The following ATG7 variants were observed in gnomAD, a reference collection of about 807,000 sequenced individuals.
The protein encoded by ATG7 is autophagy related 7.
A neutral mutation model predicts 82.4 loss-of-function variants in ATG7; 70 were observed. The ratio of observed to expected loss-of-function variants is 0.85; its 90% CI spans 0.70 to 1.04. The LOEUF is 1.04. Ranked by LOEUF, ATG7 falls within the 50% of genes least tolerant of loss-of-function variation. The probability of loss-of-function intolerance (pLI) is 0.00; values close to 1 mark genes in which losing one functional copy is unlikely to be tolerated. For synonymous variants in ATG7, 287 were observed against 313.0 expected, an observed-to-expected ratio of 0.92 and a Z score of 0.88; for missense variants, 792 against 864.3, an observed-to-expected ratio of 0.92 and a Z score of 1.05.
intron 20 of ATG7, among the ~76,000 whole-genome samples, chr3:11,527,130 A>AAAAT (rs2092602399): frequency 6.8e-6 from 1 of 147,440 alleles, no homozygotes; most frequent in African/African-American, 2.5e-5. Context: ...TTTGAGGTGG[A>AAAAT]GTCTCACTCT....
rs556285354 is a variant in ATG7, at chr3:11,538,101, A to G, written c.2080-16710A>G. Among the ~76,000 whole-genome samples the G allele has an allele frequency of 3.4e-4, 51 of 150,240 alleles. 1 individual carries two copies. The highest frequency in any genetic ancestry group is 3.4e-3 in the Middle Eastern group (1 of 290). The stretch of plus-strand genomic sequence containing the variant: ...GATATGTGGACCCCAGGGCTGACAG[A>G]TGTTCCTGAGGGCCACAGGGAACCT... On this transcript the variant is annotated intron_variant, in intron 20 of 20. Transcript: ENST00000693202.
intron 19 of ATG7, among the ~76,000 whole-genome samples, chr3:11,391,343 C>T (rs956493): frequency 0.038 from 5,845 of 152,208 alleles, 120 homozygotes; most frequent in African/African-American, 0.051. Context: ...TAATGTTCCC[C>T]GGAGCATGCA....
chr3:11,559,406 T>G (rs1028637875), downstream of ATG7: 2 of 1,562,454 alleles, frequency 1.3e-6, no homozygotes, highest in African/African-American at 2.7e-5. Flanking sequence ...GTGCGAGAGG[T>G]TGCAGTTGCG....
intron 20 of ATG7, among the ~76,000 whole-genome samples, chr3:11,524,272 C>T (rs758792443): frequency 2.0e-5 from 3 of 152,152 alleles, no homozygotes; most frequent in Non-Finnish European, 4.4e-5. Context: ...TTTCCAGCCA[C>T]AATGGAGAAG....
At chr3:11,475,250 T>C (rs928636123) in intron 20 of ATG7, among the ~76,000 whole-genome samples, 2 of 152,150 alleles carry the variant, frequency 1.3e-5, no homozygotes, top group Admixed American at 6.5e-5. Flanking sequence ...GTTCCAGTCA[T>C]GCGGGTTTAT....
intron 18 of ATG7, 79 bp from the exon 19 acceptor site, chr3:11,379,893 T>C: frequency 2.1e-6 from 3 of 1,396,718 alleles, no homozygotes; most frequent in Non-Finnish European, 3.0e-6. Context: ...TCCTACTTGT[T>C]GTCAGAAACC....
chr3:11,391,268 CCTTTT>C (rs1278554465), intron 19 of ATG7, among the ~76,000 whole-genome samples: 6 of 152,010 alleles, frequency 3.9e-5, no homozygotes, highest in Non-Finnish European at 7.4e-5. Context: ...TTTCCTTTTC[CCTTTT>C]CTTTTCATGA....
downstream of ATG7, chr3:11,558,488 T>TTA: frequency 6.7e-7 from 1 of 1,483,586 alleles, no homozygotes; most frequent in Non-Finnish European, 9.0e-7. Context: ...TTTTTTTTTT[T>TTA]AAGTACTGAC....
intron 20 of ATG7, 55 bp downstream of exon 20, chr3:11,426,981 A>G: frequency 6.7e-7 from 1 of 1,489,042 alleles, no homozygotes; most frequent in African/African-American, 1.4e-5. Flanking sequence ...AAACTATTTG[A>G]TATTCGCCAT....
At chr3:11,378,432 C>G (rs949354312) in intron 18 of ATG7, among the ~76,000 whole-genome samples, 2 of 151,036 alleles carry the variant, frequency 1.3e-5, no homozygotes, top group Non-Finnish European at 2.9e-5. Context: ...CCCGTAACCC[C>G]AGCACTTTGG....
At position 11,418,270 on chromosome 3, in the gene ATG7, A is replaced by ATT. The variant is rs551384190; in HGVS notation, c.1957-8520_1957-8519dup. ...CAGGCATATGTCACCATACCTGGCTATTTTTTTTTTTTTTTATATTTTGTA... is the reference window on the plus strand; with the variant it reads ...CAGGCATATGTCACCATACCTGGCTATTTTTTTTTTTTTTTTTATATTTTGTA... On this transcript the variant is annotated intron_variant, in intron 19 of 20. Coordinates refer to ENST00000693202, the MANE Select transcript of ATG7 (RefSeq NM_001349232.2). Among the ~76,000 whole-genome samples the ATT allele has an allele frequency of 1.2e-3, 173 of 141,388 alleles. 1 individual carries two copies. The highest frequency in any genetic ancestry group is 3.6e-3 in the Middle Eastern group (1 of 276). 92.8% of individuals were successfully genotyped at this position (141,388 alleles called of 152,430 possible).
rs138450163 is a variant in ATG7, at chr3:11,331,219, GA to G, written c.679-120del. 6,062 of 804,502 alleles carry G rather than the reference GA, an allele frequency of 7.5e-3. 258 individuals carry two copies. The African/African-American group carries it at 0.091, about 12-fold the overall frequency. 49.8% of individuals were successfully genotyped at this position (804,502 alleles called of 1,614,324 possible). A position where few individuals can be genotyped will look rare whatever the true frequency, so the allele number is the denominator to read the frequency against. ...TTCTCCTCCCCTTAGCCCTTTACCA[GA>G]TGTTTAATTTTTAAGGCTTTGCAGA... On this transcript the variant is annotated intron_variant, in intron 9 of 20. Coordinates refer to ENST00000693202, the MANE Select transcript of ATG7 (RefSeq NM_001349232.2).
intron 20 of ATG7, among the ~76,000 whole-genome samples, chr3:11,529,945 C>A (rs533502601): frequency 6.6e-6 from 1 of 152,206 alleles, no homozygotes; most frequent in Non-Finnish European, 1.5e-5. Context: ...TCCTCTTGCC[C>A]AGGAGACAGG....
chr3:11,302,844 G>T (rs1947006456), intron 5 of ATG7, among the ~76,000 whole-genome samples: 1 of 152,130 alleles, frequency 6.6e-6, no homozygotes, highest in African/African-American at 2.4e-5. Flanking sequence ...GATCTCTAAG[G>T]ATCCTGTTCT....
chr3:11,393,400 AAGGGAGGG>A (rs1228035629), intron 19 of ATG7, among the ~76,000 whole-genome samples: 1 of 150,796 alleles, frequency 6.6e-6, no homozygotes, highest in Non-Finnish European at 1.5e-5. Context: ...CCATAAGAGG[AAGGGAGGG>A]AGGGAGGGAG....
chr3:11,480,312 A>G (rs1457136197), intron 20 of ATG7, among the ~76,000 whole-genome samples: 3 of 152,134 alleles, frequency 2.0e-5, no homozygotes, highest in African/African-American at 7.2e-5. Context: ...AGGTGGGAAG[A>G]TCGCTTGAGG....
intron 19 of ATG7, among the ~76,000 whole-genome samples, chr3:11,400,042 T>G (rs1268407667): frequency 1.3e-5 from 2 of 152,218 alleles, no homozygotes; most frequent in Non-Finnish European, 2.9e-5. Context: ...AAATAGGTGT[T>G]CTGCATGTAT....
intron 20 of ATG7, among the ~76,000 whole-genome samples, chr3:11,509,206 T>C (rs2091912505): frequency 6.6e-6 from 1 of 152,240 alleles, no homozygotes; most frequent in Non-Finnish European, 1.5e-5. Flanking sequence ...CAACAGCTTT[T>C]AGCTTATAAA....
At chr3:11,416,257 T>C (rs1442865781) in intron 19 of ATG7, among the ~76,000 whole-genome samples, 2 of 152,230 alleles carry the variant, frequency 1.3e-5, no homozygotes, top group Non-Finnish European at 2.9e-5. Context: ...TTCTGTCTTC[T>C]GAAAGAGATT....
Sources: allele counts gnomAD v4.1 joint callset (sites outside exome capture counted in the v4.1 genomes callset), GRCh38; gene constraint gnomAD v4.1.1; transcripts MANE v1.5; gene names NCBI Gene and HGNC (gene_info 2026-07-23, HGNC 2026-07-21).